The following ASTN2 variants were observed in gnomAD, a reference collection of about 807,000 sequenced individuals.
The protein encoded by ASTN2 is astrotactin-2.
In ASTN2, 54 loss-of-function variants were observed where a neutral mutation model predicts 139.8. The observed-to-expected ratio is 0.39, with a 90% confidence interval of 0.31 to 0.48. ASTN2 has a LOEUF of 0.48. Ranked by LOEUF, ASTN2 falls within the 20% of genes least tolerant of loss-of-function variation. The pLI, the probability that ASTN2 is intolerant of heterozygous loss-of-function variation, is 0.95. For missense variants in ASTN2, 1,565 were observed against 1,725.1 expected, an observed-to-expected ratio of 0.91 and a Z score of 1.64; for synonymous variants, 756 against 719.5, an observed-to-expected ratio of 1.05 and a Z score of -0.81.
intron 3 of ASTN2, among the ~76,000 whole-genome samples, chr9:117,207,463 C>G (rs1172415871): frequency 6.6e-6 from 1 of 152,180 alleles, no homozygotes. Context: ...TCAGGCCAGC[C>G]AAGCAGCCAT....
At chr9:116,919,958 T>G (rs34390573) in intron 10 of ASTN2, among the ~76,000 whole-genome samples, 18 of 149,522 alleles carry the variant, frequency 1.2e-4, no homozygotes, top group Non-Finnish European at 1.9e-4. Context: ...AAAAAAAAAG[T>G]AATTTTTTAA....
At chr9:117,128,381 A>AAAAAAAAAAAAG (rs1829751240) in intron 4 of ASTN2, among the ~76,000 whole-genome samples, 1 of 138,616 alleles carries the variant, frequency 7.2e-6, no homozygotes, top group African/African-American at 2.9e-5. Flanking sequence ...CAAAAAAAAA[A>AAAAAAAAAAAAG]AAAAAAAAAA....
intron 13 of ASTN2, among the ~76,000 whole-genome samples, chr9:116,774,740 T>C (rs1363064295): frequency 2.0e-5 from 3 of 152,128 alleles, no homozygotes; most frequent in Non-Finnish European, 4.4e-5. Flanking sequence ...TTTACCAACA[T>C]ATCCTTCCCT....
At chr9:116,459,414 C>CTT (rs1413172714) in intron 20 of ASTN2, among the ~76,000 whole-genome samples, 4 of 152,032 alleles carry the variant, frequency 2.6e-5, no homozygotes, top group Non-Finnish European at 5.9e-5. Flanking sequence ...ATAAATTGGA[C>CTT]TTTATCAAAA....
At chr9:116,440,351 A>G (rs1190991692) in intron 22 of ASTN2, among the ~76,000 whole-genome samples, 2 of 152,116 alleles carry the variant, frequency 1.3e-5, no homozygotes, top group African/African-American at 4.8e-5. Context: ...GAGGTGGGAG[A>G]TGAGCAAGGA....
intron 1 of ASTN2, among the ~76,000 whole-genome samples, chr9:117,388,762 C>A (rs1830468815): frequency 6.6e-6 from 1 of 152,044 alleles, no homozygotes; most frequent in African/African-American, 2.4e-5. Context: ...GGTCCTTAAT[C>A]CCTAGAATTC....
chr9:117,139,363 A>G (rs1370983780), intron 4 of ASTN2, among the ~76,000 whole-genome samples: 1 of 152,184 alleles, frequency 6.6e-6, no homozygotes, highest in African/African-American at 2.4e-5. Flanking sequence ...GTTCAGGGAG[A>G]ACCAATGATA....
At chr9:116,534,255 C>A (rs552054066) in intron 19 of ASTN2, among the ~76,000 whole-genome samples, 1 of 151,976 alleles carries the variant, frequency 6.6e-6, no homozygotes, top group African/African-American at 2.4e-5. Flanking sequence ...TCTCTCTTTT[C>A]TTCTTTATGA....
At chr9:116,630,785 G>A (rs1055683255) in intron 17 of ASTN2, among the ~76,000 whole-genome samples, 2 of 152,118 alleles carry the variant, frequency 1.3e-5, no homozygotes, top group African/African-American at 4.8e-5. Flanking sequence ...AGTACAGAAT[G>A]AGAGAAAATA....
chr9:117,332,815 G>A (rs1459260923), intron 1 of ASTN2, among the ~76,000 whole-genome samples: 1 of 152,048 alleles, frequency 6.6e-6, no homozygotes, highest in Non-Finnish European at 1.5e-5. Flanking sequence ...GATATTAGTT[G>A]GCCTTAAAAA....
At chr9:116,761,264 G>C (rs1220586169) in intron 13 of ASTN2, among the ~76,000 whole-genome samples, 2 of 152,160 alleles carry the variant, frequency 1.3e-5, no homozygotes, top group Non-Finnish European at 2.9e-5. Flanking sequence ...AGATAAATGA[G>C]ACATCCCTTG....
intron 13 of ASTN2, among the ~76,000 whole-genome samples, chr9:116,757,231 A>G (rs180673860): frequency 6.6e-6 from 1 of 152,338 alleles, no homozygotes; most frequent in Non-Finnish European, 1.5e-5. Context: ...GCAGGAAACC[A>G]GGAAACCAGC....
In ASTN2 at chr9:117,005,080, A is replaced by AGTT. The variant is rs1837314953; in HGVS notation, c.1591+3011_1591+3012insAAC. Among the ~76,000 whole-genome samples, 10 of 74,674 alleles carry AGTT rather than the reference A, an allele frequency of 1.3e-4. No individual in the cohort carries two copies. In the South Asian group the frequency reaches 3.2e-3, roughly 24 times the overall value. 49.0% of individuals were successfully genotyped at this position (74,674 alleles called of 152,430 possible). On this transcript the variant is annotated intron_variant, in intron 7 of 22. Transcript: ENST00000313400. ...AATTTGAGTTGTGGACCTGTAGTCGATTTTTTTTTTTTTTTTTTTTTTTTG... is the reference window on the plus strand; with the variant it reads ...AATTTGAGTTGTGGACCTGTAGTCGAGTTTTTTTTTTTTTTTTTTTTTTTTTTG...
rs141636693 is a variant in ASTN2, at chr9:117,283,711, G to A, written c.630+7615C>T. Among the ~76,000 whole-genome samples the A allele has an allele frequency of 6.2e-3, 938 of 152,152 alleles. 3 individuals carry two copies. Among genetic ancestry groups the A allele is most frequent in the South Asian group, 0.015 (70 of 4,816 alleles). On this transcript the variant is annotated intron_variant, in intron 2 of 22. Coordinates refer to ENST00000313400, the MANE Select transcript of ASTN2 (RefSeq NM_001365068.1). ...TCACATTTTAAATAATCCCTCTCAG[G>A]ATCTGTTTTCCCTACTACTCTGTCT... is the stretch of plus-strand genomic sequence containing the variant.
At chr9:116,710,521 C>T (rs189939999) in intron 16 of ASTN2, among the ~76,000 whole-genome samples, 48 of 151,332 alleles carry the variant, frequency 3.2e-4, no homozygotes, top group Admixed American at 2.8e-3. Context: ...CACCTGAGGT[C>T]GGGGGTTTGA....
At chr9:116,746,005 C>T (rs1829222621) in intron 13 of ASTN2, among the ~76,000 whole-genome samples, 2 of 151,996 alleles carry the variant, frequency 1.3e-5, no homozygotes, top group Non-Finnish European at 2.9e-5. Context: ...CCTTGCCTTT[C>T]CCCTGCTTCT....
intron 16 of ASTN2, among the ~76,000 whole-genome samples, chr9:116,684,996 G>A (rs890684780): frequency 2.0e-5 from 3 of 152,156 alleles, no homozygotes; most frequent in Non-Finnish European, 4.4e-5. Flanking sequence ...TCCCAAAGCA[G>A]ACCTCCTTGC....
chr9:116,425,850 C>A lies in ASTN2; in HGVS notation c.*1G>T. On this transcript the variant is annotated 3_prime_UTR_variant, in exon 23 of 23. Coordinates refer to ENST00000313400, the MANE Select transcript of ASTN2 (RefSeq NM_001365068.1). ...GTGCTCACGGAGGGCAATACCCTCC[C>A]TCACCGGCCCTTGGACTCCCCGTAC... 3.1e-6 allele frequency: 5 copies of A among 1,614,152 alleles called. No homozygotes were observed. The highest frequency in any genetic ancestry group is 3.4e-6 in the Non-Finnish European group (4 of 1,180,032).
At chr9:116,758,586 G>C (rs1829592663) in intron 13 of ASTN2, among the ~76,000 whole-genome samples, 1 of 152,222 alleles carries the variant, frequency 6.6e-6, no homozygotes, top group Admixed American at 6.5e-5. Flanking sequence ...AGCTGAGAGG[G>C]CAAATGGAGA....
Sources: gnomAD v4.1 joint callset for allele counts (sites outside exome capture counted in the v4.1 genomes callset) on GRCh38, gnomAD v4.1.1 for gene constraint, MANE v1.5 for transcripts, NCBI Gene and HGNC (gene_info 2026-07-23, HGNC 2026-07-21) for gene names.